Variants in CCN6 observed in about 807,000 individuals in gnomAD.
CCN6 encodes cellular communication network factor 6.
Under a neutral mutation model 37.4 loss-of-function variants are expected in CCN6, and 31 were observed. That is an observed-to-expected ratio of 0.83 (90% CI 0.62 to 1.12). The LOEUF (loss-of-function observed/expected upper bound fraction) is 1.12, where lower values mean the gene tolerates loss of function less well. Among genes scored for constraint, CCN6 ranks in the 50% most tolerant of loss-of-function variants. CCN6 has a pLI of 0.00. For synonymous variants in CCN6, 137 were observed against 142.1 expected, an observed-to-expected ratio of 0.96 and a Z score of 0.26; for missense variants, 369 against 413.8, an observed-to-expected ratio of 0.89 and a Z score of 0.94.
intron 1 of CCN6, 37 bp from the exon 2 acceptor site, chr6:112,060,954 A>G: frequency 1.2e-6 from 2 of 1,611,924 alleles, no homozygotes; most frequent in South Asian, 1.1e-5. Flanking sequence ...TTACATAGAG[A>G]AGCTATTTCT....
At chr6:112,069,239 G>A in intron 4 of CCN6, 100 bp from the exon 5 acceptor site, 3 of 1,350,392 alleles carry the variant, frequency 2.2e-6, no homozygotes, top group South Asian at 1.4e-5. Flanking sequence ...TTTTATTAAT[G>A]CCTCCAAATA....
upstream of CCN6, chr6:112,053,967 G>A: frequency 2.5e-6 from 1 of 395,292 alleles, no homozygotes; most frequent in Non-Finnish European, 4.8e-6. Context: ...GAAGCTGAGG[G>A]CAAGGAAGGG....
intron 1 of CCN6, among the ~76,000 whole-genome samples, chr6:112,056,201 T>C (rs1370204932): frequency 6.6e-6 from 1 of 152,176 alleles, no homozygotes; most frequent in Non-Finnish European, 1.5e-5. Flanking sequence ...ATTTCTAAGT[T>C]ACTATCATAA....
intron 1 of CCN6, among the ~76,000 whole-genome samples, chr6:112,059,341 C>T (rs953544331): frequency 2.6e-5 from 4 of 152,308 alleles, no homozygotes; most frequent in Admixed American, 1.3e-4. Flanking sequence ...AAAAATGGGT[C>T]TTACAGGGCT....
intron 3 of CCN6, among the ~76,000 whole-genome samples, chr6:112,065,647 C>CAA (rs1554313857): frequency 4.6e-5 from 7 of 151,720 alleles, no homozygotes; most frequent in African/African-American, 1.4e-4. Context: ...CACACACAAA[C>CAA]ACACACATGC....
intron 3 of CCN6, chr6:112,066,986 A>C (rs782586327): frequency 7.3e-7 from 1 of 1,366,356 alleles, no homozygotes; most frequent in South Asian, 1.1e-5. Flanking sequence ...CCAAGCTTCT[A>C]ATCTGCTTCC....
chr6:112,053,774 GA>G (rs1470385367), upstream of CCN6, among the ~76,000 whole-genome samples: 1 of 151,352 alleles, frequency 6.6e-6, no homozygotes, highest in Non-Finnish European at 1.5e-5. Flanking sequence ...GCCTCCGAGA[GA>G]ATCTGAGCTG....
chr6:112,054,598 A>C (rs1776289626), intron 1 of CCN6, 193 bp downstream of exon 1: 3 of 618,034 alleles, frequency 4.9e-6, no homozygotes, highest in Admixed American at 5.1e-5. Context: ...TCATGAAAGA[A>C]ATGTAAAACA....
rs991418553 is a variant in CCN6, at chr6:112,061,117, C to T, written c.175C>T (p.Pro59Ser). Residue 59 changes from proline (P) to serine (S), a missense_variant, in exon 2 of 5, where the codon CCC (proline) becomes TCC (serine). By Grantham distance (74) the Pro-to-Ser change is moderately conservative. Transcript: ENST00000368666. ...HWPCKCPQQKPRCPPGVSLVR... is the reference protein window; with the variant it reads ...HWPCKCPQQKSRCPPGVSLVR... The stretch of plus-strand genomic sequence containing the variant: ...GCCCTGCAAATGCCCTCAGCAGAAG[C>T]CCCGTTGCCCTCCTGGAGTGAGCCT... 6 of 1,614,004 alleles carry T rather than the reference C, an allele frequency of 3.7e-6. No individual in the cohort carries two copies. The highest frequency in any genetic ancestry group is 3.3e-5 in the Admixed American group (2 of 59,992).
At chr6:112,054,602 T>G in intron 1 of CCN6, 197 bp downstream of exon 1, 1 of 614,030 alleles carries the variant, frequency 1.6e-6, no homozygotes. Context: ...GAAAGAAATG[T>G]AAAACATTTC....
In CCN6 at chr6:112,068,329, T is replaced by A. The variant is rs1776761448; in HGVS notation, c.714T>A (p.Cys238Ter). The A allele has an allele frequency of 6.2e-7, 1 of 1,613,158 alleles. No homozygotes were observed. The highest frequency in any genetic ancestry group is 1.3e-5 in the African/African-American group (1 of 74,968). ...GGGTGACCAATGAAAACAGCAACTG[T>A]GAAATGAGAAAAGAGAAAAGACTGT... is the stretch of plus-strand genomic sequence containing the variant. ...SNRVTNENSNCEMRKEKRLCY... is the reference protein window; with the variant it reads ...SNRVTNENSN Residue 238 changes from cysteine to a stop codon, truncating the protein, a stop_gained, in exon 4 of 5, where the codon TGT becomes TGA. Transcript: ENST00000368666. LOFTEE classifies it high-confidence loss of function.
At chr6:112,053,203 A>G (rs1776255100), upstream of CCN6, among the ~76,000 whole-genome samples, 2 of 152,172 alleles carry the variant, frequency 1.3e-5, no homozygotes. Flanking sequence ...AAGGTCCCAC[A>G]TGATGACACA....
upstream of CCN6, among the ~76,000 whole-genome samples, chr6:112,052,910 C>T (rs1405685588): frequency 6.6e-6 from 1 of 152,208 alleles, no homozygotes; most frequent in Non-Finnish European, 1.5e-5. Flanking sequence ...TGGTGGAGGA[C>T]AGCCTCGTTT....
intron 1 of CCN6, chr6:112,060,047 C>T: frequency 5.1e-6 from 7 of 1,366,394 alleles, no homozygotes; most frequent in Non-Finnish European, 6.9e-6. Flanking sequence ...TGCTTGGAGT[C>T]AGAGAACAAG....
At chr6:112,060,854 T>C in intron 1 of CCN6, 137 bp from the exon 2 acceptor site, 2 of 1,020,336 alleles carry the variant, frequency 2.0e-6, no homozygotes, top group Non-Finnish European at 2.9e-6. Context: ...AGTAATTGTG[T>C]CAAATGCTGA....
intron 4 of CCN6, among the ~76,000 whole-genome samples, chr6:112,068,978 A>G (rs1382394984): frequency 2.6e-5 from 4 of 152,180 alleles, no homozygotes; most frequent in African/African-American, 4.8e-5. Context: ...TTATTCATCT[A>G]TGCATCCACT....
In CCN6 at chr6:112,054,390, T is replaced by C. The variant is rs782215592; in HGVS notation, c.33T>C (p.Leu11=). ...GGCTCCTCTTCTCCACTCTTCTGCT[T>C]GCTGGCCTGGCACAGGTAAGTCCTC... MQGLLFSTLL[L]AGLAQFCCRV... is the part of the protein sequence containing the mutation. Residue 11 remains leucine, a synonymous_variant, in exon 1 of 5, where the codon CTT becomes CTC. Coordinates refer to ENST00000368666, the MANE Select transcript of CCN6 (RefSeq NM_198239.2). 2.0e-5 allele frequency: 32 copies of C among 1,613,442 alleles called. No homozygotes were observed. The highest frequency in any genetic ancestry group is 2.6e-5 in the Non-Finnish European group (31 of 1,179,940).
intron 2 of CCN6, 86 bp downstream of exon 2, chr6:112,061,374 G>A: frequency 6.4e-7 from 1 of 1,573,086 alleles, no homozygotes; most frequent in Middle Eastern, 1.8e-4. Context: ...GGAGTGATCA[G>A]CTTAGTTTGG....
intron 1 of CCN6, among the ~76,000 whole-genome samples, chr6:112,057,210 G>T (rs1554311902): frequency 2.0e-5 from 3 of 152,210 alleles, no homozygotes; most frequent in African/African-American, 4.8e-5. Context: ...GAGAGCTAAA[G>T]CTCAAGAGGT....
Sources: gnomAD v4.1 joint callset for allele counts (sites outside exome capture counted in the v4.1 genomes callset) on GRCh38, gnomAD v4.1.1 for gene constraint, MANE v1.5 for transcripts, NCBI Gene and HGNC (gene_info 2026-07-23, HGNC 2026-07-21) for gene names.